QKI: variants seen among roughly 807,000 people sequenced by gnomAD.
The protein encoded by QKI is KH domain-containing RNA-binding protein QKI.
QKI carries 10 observed loss-of-function variants against 39.0 expected under a neutral mutation model. The observed-to-expected ratio is 0.26, with a 90% CI of 0.16 to 0.43. The LOEUF (loss-of-function observed/expected upper bound fraction) is 0.43, where lower values mean the gene tolerates loss of function less well. Among genes scored for constraint, QKI ranks in the 20% least tolerant of loss-of-function variants. QKI has a pLI of 1.00. For missense variants in QKI, 218 were observed against 428.0 expected, an observed-to-expected ratio of 0.51 and a Z score of 4.33; for synonymous variants, 204 against 155.4, an observed-to-expected ratio of 1.31 and a Z score of -2.33.
chr6:163,566,114 T>C (rs879356446), intron 6 of QKI: 33 of 1,452,822 alleles, frequency 2.3e-5, no homozygotes, highest in Non-Finnish European at 3.0e-5. Context: ...AAAGTAAAAT[T>C]ATGTTATTAA....
chr6:163,426,799 A>G (rs1006260947), intron 1 of QKI, among the ~76,000 whole-genome samples: 1 of 152,188 alleles, frequency 6.6e-6, no homozygotes, highest in Non-Finnish European at 1.5e-5. Context: ...TGGTTCTCAA[A>G]GTAAAGTGTT....
chr6:163,520,051 C>T (rs1780054643), intron 3 of QKI, among the ~76,000 whole-genome samples: 1 of 152,072 alleles, frequency 6.6e-6, no homozygotes, highest in Non-Finnish European at 1.5e-5. Context: ...GAGCTGTTAT[C>T]AAAGACTGAA....
chr6:163,517,524 T>A (rs563763864), intron 3 of QKI, among the ~76,000 whole-genome samples: 1 of 152,224 alleles, frequency 6.6e-6, no homozygotes, highest in South Asian at 2.1e-4. Context: ...ATCAAGTGAT[T>A]CTCCTGCCTC....
intron 3 of QKI, among the ~76,000 whole-genome samples, chr6:163,519,757 C>G: frequency 6.6e-6 from 1 of 151,842 alleles, no homozygotes; most frequent in South Asian, 2.1e-4. Flanking sequence ...CATAATTAAC[C>G]ACAATAATTA....
intron 2 of QKI, among the ~76,000 whole-genome samples, chr6:163,468,832 A>T (rs1250905811): frequency 3.9e-5 from 6 of 152,224 alleles, no homozygotes; most frequent in Non-Finnish European, 5.9e-5. Context: ...AAATCAACAC[A>T]GAATGAATTT....
Position 163,576,689 on chromosome 6 carries a change from CCT to C in QKI, c.*5983_*5984del, listed in dbSNP as rs1429696202. On this transcript the variant is annotated 3_prime_UTR_variant, in exon 8 of 8. Coordinates refer to ENST00000361752, the MANE Select transcript of QKI (RefSeq NM_006775.3). ...ACTGGAAAAAGTGCATGTGCTTCAT[CCT>C]CTCAAGCCAACTGCAGCTGGAAAGT... 14 of 152,070 alleles carry C rather than the reference CCT, an allele frequency of 9.2e-5. No homozygotes were observed. Among genetic ancestry groups the C allele is most frequent in the Admixed American group, 9.2e-4 (14 of 15,256 alleles). 9.4% of individuals were successfully genotyped at this position (152,070 alleles called of 1,614,324 possible).
At chr6:163,452,051 A>G (rs1790604432) in intron 1 of QKI, among the ~76,000 whole-genome samples, 1 of 152,230 alleles carries the variant, frequency 6.6e-6, no homozygotes. Flanking sequence ...GTAAGATTGG[A>G]AACCAGTGGA....
At chr6:163,498,959 C>T (rs529742413) in intron 3 of QKI, among the ~76,000 whole-genome samples, 3 of 152,104 alleles carry the variant, frequency 2.0e-5, no homozygotes, top group African/African-American at 4.8e-5. Context: ...ATACTAAACA[C>T]GAAATTGATT....
chr6:163,420,834 G>T (rs1234860070), intron 1 of QKI, among the ~76,000 whole-genome samples: 1 of 152,144 alleles, frequency 6.6e-6, no homozygotes, highest in Non-Finnish European at 1.5e-5. Context: ...TAGTGGGACT[G>T]TTAAGAAATT....
intron 1 of QKI, among the ~76,000 whole-genome samples, chr6:163,434,003 T>G (rs1211375936): frequency 6.6e-6 from 1 of 152,240 alleles, no homozygotes; most frequent in Non-Finnish European, 1.5e-5. Flanking sequence ...AATATTGATT[T>G]AGTGGCTTGT....
At chr6:163,488,843 A>G (rs1027592253) in intron 3 of QKI, among the ~76,000 whole-genome samples, 6 of 152,220 alleles carry the variant, frequency 3.9e-5, no homozygotes, top group Non-Finnish European at 8.8e-5. Flanking sequence ...ACATGGTTCC[A>G]AAGCAAAATA....
At chr6:163,468,932 A>G (rs1280304492) in intron 2 of QKI, among the ~76,000 whole-genome samples, 3 of 151,196 alleles carry the variant, frequency 2.0e-5, no homozygotes, top group African/African-American at 7.3e-5. Context: ...TTCATTCTCT[A>G]CTTACAACAT....
chr6:163,420,434 G>C (rs11966919), intron 1 of QKI, among the ~76,000 whole-genome samples: 4,228 of 152,178 alleles, frequency 0.028, 186 homozygotes, highest in African/African-American at 0.096. Flanking sequence ...TTAAAAGGCA[G>C]CCCACTGAGC....
chr6:163,431,800 T>TAAA (rs66790166), intron 1 of QKI, among the ~76,000 whole-genome samples: 2 of 127,310 alleles, frequency 1.6e-5, no homozygotes, highest in Non-Finnish European at 3.2e-5. Context: ...AAGATTTTTG[T>TAAA]AAAAAAAAAA....
In QKI at chr6:163,563,466, G is replaced by T. The variant is rs183260251; in HGVS notation, c.681G>T (p.Arg227Ser). ...SLAATAQAAP[R>S]IITGPAPVLP... The stretch of plus-strand genomic sequence containing the variant: ...CAGCAACAGCCCAGGCTGCTCCAAG[G>T]ATCATTACTGGGCCTGCGCCGGTTC... Residue 227 changes from arginine (R) to serine (S), a missense_variant, in exon 6 of 8, where the codon AGG (arginine) becomes AGT (serine). Coordinates refer to ENST00000361752, the MANE Select transcript of QKI (RefSeq NM_006775.3). 1 of 1,613,816 alleles carries T rather than the reference G, an allele frequency of 6.2e-7. No homozygotes were observed. Among genetic ancestry groups the T allele is most frequent in the South Asian group, 1.1e-5 (1 of 91,076 alleles).
chr6:163,461,558 C>G (rs932648609), intron 2 of QKI, among the ~76,000 whole-genome samples: 1 of 152,158 alleles, frequency 6.6e-6, no homozygotes, highest in South Asian at 2.1e-4. Flanking sequence ...GTTAAAATTA[C>G]TGCTTCAAAG....
chr6:163,499,719 CT>C lies in QKI; in HGVS notation c.402+20824del, dbSNP rs896573175. On this transcript the variant is annotated intron_variant, in intron 3 of 7. Coordinates refer to ENST00000361752, the MANE Select transcript of QKI (RefSeq NM_006775.3). Reference sequence around the variant, plus strand: ...ACATGTTCTACCCACCCGCCACCCCCTAGACTATTCTTTCTTCTACTTTTCA... The same window carrying C: ...ACATGTTCTACCCACCCGCCACCCCCAGACTATTCTTTCTTCTACTTTTCA... Among the ~76,000 whole-genome samples, 57 of 152,224 alleles carry C rather than the reference CT, an allele frequency of 3.7e-4. 1 individual carries two copies. The highest frequency in any genetic ancestry group is 1.3e-3 in the African/African-American group (55 of 41,548).
chr6:163,543,911 T>C (rs1243508596), intron 4 of QKI, among the ~76,000 whole-genome samples: 1 of 152,148 alleles, frequency 6.6e-6, no homozygotes, highest in Non-Finnish European at 1.5e-5. Context: ...GCTATTATAC[T>C]GATTCTTTGT....
chr6:163,508,524 CTTTCTTTCT>C (rs1343627591), intron 3 of QKI, among the ~76,000 whole-genome samples: 20 of 6,966 alleles, frequency 2.9e-3, no homozygotes, highest in African/African-American at 0.011. Flanking sequence ...TTCTTTCTTT[CTTTCTTTCT>C]TTTTTTTTTT....
Sources: allele counts gnomAD v4.1 joint callset (sites outside exome capture counted in the v4.1 genomes callset), GRCh38; gene constraint gnomAD v4.1.1; transcripts MANE v1.5; gene names NCBI Gene and HGNC (gene_info 2026-07-23, HGNC 2026-07-21).